Variants in CDR2 observed in about 807,000 individuals in gnomAD.
The protein encoded by CDR2 is cerebellar degeneration related protein 2, also known as cerebellar degeneration-related protein 2.
CDR2 carries 34 observed loss-of-function variants against 48.4 expected under a neutral mutation model. The observed-to-expected ratio is 0.70, with a 90% confidence interval of 0.53 to 0.94. CDR2 has a LOEUF of 0.94. Among genes scored for constraint, CDR2 ranks in the 40% least tolerant of loss-of-function variants. CDR2 has a pLI of 0.00. For synonymous variants in CDR2, 240 were observed against 219.7 expected, an observed-to-expected ratio of 1.09 and a Z score of -0.82; for missense variants, 498 against 549.5, an observed-to-expected ratio of 0.91 and a Z score of 0.94.
chr16:22,353,532 G>GCCT (rs2048956144), intron 2 of CDR2, among the ~76,000 whole-genome samples: 1 of 152,110 alleles, frequency 6.6e-6, no homozygotes, highest in Non-Finnish European at 1.5e-5. Context: ...AAAGGTTCCT[G>GCCT]CCTCCTCCCT....
At chr16:22,362,723 T>C (rs752135025) in intron 2 of CDR2, among the ~76,000 whole-genome samples, 7 of 152,324 alleles carry the variant, frequency 4.6e-5, no homozygotes, top group East Asian at 1.9e-4. Flanking sequence ...AAAGAGTTCC[T>C]TGACCACGTA....
chr16:22,347,669 C>T lies in CDR2; in HGVS notation c.661G>A (p.Glu221Lys), dbSNP rs771429999. The T allele has an allele frequency of 6.2e-7, 1 of 1,614,164 alleles. No individual in the cohort carries two copies. The highest frequency in any genetic ancestry group is 8.5e-7 in the Non-Finnish European group (1 of 1,180,040). Residue 221 changes from glutamate (E) to lysine (K), a missense_variant, in exon 5 of 5, where the codon GAG (glutamate) becomes AAG (lysine). Glu to Lys is a moderately conservative substitution (Grantham distance 56). Coordinates refer to ENST00000268383, the MANE Select transcript of CDR2 (RefSeq NM_001802.2). Reference sequence around the variant, plus strand: ...TCCTTTAACACGAGCCCATATTCCTCCTCCATAGTCACCCGCTTCTGCCGC... The same window carrying T: ...TCCTTTAACACGAGCCCATATTCCTTCTCCATAGTCACCCGCTTCTGCCGC... ...LERQKRVTME[E>K]EYGLVLKENS...
At chr16:22,374,200 C>T in intron 1 of CDR2, 31 bp downstream of exon 1, 1 of 1,505,340 alleles carries the variant, frequency 6.6e-7, no homozygotes, top group Non-Finnish European at 9.1e-7. Flanking sequence ...GGCCAGGCCG[C>T]CGCCCGCCCG....
At position 22,364,949 on chromosome 16, in the gene CDR2, C is replaced by A. The variant is rs767233088; in HGVS notation, c.145G>T (p.Val49Phe). 2.5e-6 allele frequency: 4 copies of A among 1,613,650 alleles called. No homozygotes were observed. The highest frequency in any genetic ancestry group is 3.4e-6 in the Non-Finnish European group (4 of 1,179,666). ...LDRNTELEDS[V>F]QQMYTTNQEQ... ...TGATTGGTTGTATACATCTGCTGAACAGAGTCCTCCAACTCTGTGTTCCGA... is the reference window on the plus strand; with the variant it reads ...TGATTGGTTGTATACATCTGCTGAAAAGAGTCCTCCAACTCTGTGTTCCGA... Residue 49 changes from valine (V) to phenylalanine (F), a missense_variant, in exon 2 of 5, where the codon GTT becomes TTT. Val to Phe is a conservative substitution (Grantham distance 50, BLOSUM62 -1). Coordinates refer to ENST00000268383, the MANE Select transcript of CDR2 (RefSeq NM_001802.2).
Position 22,374,424 on chromosome 16 carries a change from G to C in CDR2, c.-115C>G. 1 of 485,106 alleles carries C rather than the reference G, an allele frequency of 2.1e-6. No homozygotes were observed. The highest frequency in any genetic ancestry group is 3.3e-6 in the Non-Finnish European group (1 of 305,286). The allele number at this position is 485,106 out of a possible 1,614,324, so 30.1% of individuals were successfully genotyped here. On this transcript the variant is annotated 5_prime_UTR_variant, in exon 1 of 5. Coordinates refer to ENST00000268383, the MANE Select transcript of CDR2 (RefSeq NM_001802.2). ...CCAGAGCCGCCCTCGGGCGGGACGCGCCGCCGCCCAGACTCCGCTGCGCCG... is the reference window on the plus strand; with the variant it reads ...CCAGAGCCGCCCTCGGGCGGGACGCCCCGCCGCCCAGACTCCGCTGCGCCG...
At position 22,346,164 on chromosome 16, in the gene CDR2, C is replaced by T. The variant is rs938750379; in HGVS notation, c.*801G>A. On this transcript the variant is annotated 3_prime_UTR_variant, in exon 5 of 5. Coordinates refer to ENST00000268383, the MANE Select transcript of CDR2 (RefSeq NM_001802.2). ...CTTGTGGCTGGCAAGTCAGCCAGCT[C>T]AGAAAACAGGTAGGAAGGGAAGGGG... The T allele has an allele frequency of 2.0e-5, 3 of 152,318 alleles. No homozygotes were observed. The highest frequency in any genetic ancestry group is 2.9e-5 in the Non-Finnish European group (2 of 68,032). The allele number at this position is 152,318 out of a possible 1,614,324, so 9.4% of individuals were successfully genotyped here.
In CDR2 at chr16:22,374,344, C is replaced by G; in HGVS notation, c.-35G>C. 2 of 1,456,908 alleles carry G rather than the reference C, an allele frequency of 1.4e-6. No homozygotes were observed. The highest frequency in any genetic ancestry group is 9.5e-7 in the Non-Finnish European group (1 of 1,054,778). 90.2% of individuals were successfully genotyped at this position (1,456,908 alleles called of 1,614,324 possible). ...GTCTTCTAGGGGCAGCGGCCCCCGCCGCCGTCCCGCCTCAGCCGCTGCCCC... is the reference window on the plus strand; with the variant it reads ...GTCTTCTAGGGGCAGCGGCCCCCGCGGCCGTCCCGCCTCAGCCGCTGCCCC... On this transcript the variant is annotated 5_prime_UTR_variant, in exon 1 of 5. Transcript: ENST00000268383.
At position 22,374,380 on chromosome 16, in the gene CDR2, C is replaced by T. The variant is rs2049103490; in HGVS notation, c.-71G>A. 4.7e-6 allele frequency: 5 copies of T among 1,064,918 alleles called. No homozygotes were observed. The highest frequency in any genetic ancestry group is 4.8e-5 in the Admixed American group (2 of 41,966). The allele number at this position is 1,064,918 out of a possible 1,614,324, so 66.0% of individuals were successfully genotyped here. A position where few individuals can be genotyped will look rare whatever the true frequency, so the allele number is the denominator to read the frequency against. ...CTCAGCCGCTGCCCCGGGCTCTTCC[C>T]CGGCCCCTCCGCCCTCAGCCAGAGC... is the stretch of plus-strand genomic sequence containing the variant. On this transcript the variant is annotated 5_prime_UTR_variant, in exon 1 of 5. Coordinates refer to ENST00000268383, the MANE Select transcript of CDR2 (RefSeq NM_001802.2).
Sources: gnomAD v4.1 joint callset for allele counts (sites outside exome capture counted in the v4.1 genomes callset) on GRCh38, gnomAD v4.1.1 for gene constraint, MANE v1.5 for transcripts, NCBI Gene and HGNC (gene_info 2026-07-23, HGNC 2026-07-21) for gene names.